RASGEF1C: variants seen among roughly 807,000 people sequenced by gnomAD.
The protein encoded by RASGEF1C is ras-GEF domain-containing family member 1C.
Under a neutral mutation model 58.1 loss-of-function variants are expected in RASGEF1C, and 27 were observed. That is an observed-to-expected ratio of 0.46 (90% confidence interval 0.34 to 0.64). The LOEUF is 0.64. RASGEF1C is among the 30% of genes least tolerant of loss of function. The probability of loss-of-function intolerance (pLI) is 0.01; values close to 1 mark genes in which losing one functional copy is unlikely to be tolerated. For missense variants in RASGEF1C, 502 were observed against 605.1 expected, an observed-to-expected ratio of 0.83 and a Z score of 1.79; for synonymous variants, 243 against 246.3, an observed-to-expected ratio of 0.99 and a Z score of 0.13.
rs907286615 is a variant in RASGEF1C, at chr5:180,115,155, C to T, written c.1084-614G>A. ...TCAGCCTCCCGAGTAGCTGGGATTA[C>T]AGGCACCTGCTGCCACGCCCGGCTA... On this transcript the variant is annotated intron_variant, in intron 10 of 13. Coordinates refer to ENST00000361132, the MANE Select transcript of RASGEF1C (RefSeq NM_175062.4). The T allele has an allele frequency of 7.0e-4, 219 of 312,672 alleles. 2 individuals are homozygous for T. Among genetic ancestry groups the T allele is most frequent in the African/African-American group, 4.4e-3 (204 of 46,038 alleles). 19.4% of individuals were successfully genotyped at this position (312,672 alleles called of 1,614,324 possible). A position where few individuals can be genotyped will look rare whatever the true frequency, so the allele number is the denominator to read the frequency against.
intron 1 of RASGEF1C, among the ~76,000 whole-genome samples, chr5:180,193,502 A>C (rs1312770452): frequency 6.6e-6 from 1 of 152,158 alleles, no homozygotes; most frequent in African/African-American, 2.4e-5. Flanking sequence ...AGGGACATGC[A>C]AGGTGACACC....
At chr5:180,169,588 C>T (rs111716868) in intron 1 of RASGEF1C, among the ~76,000 whole-genome samples, 1 of 58,092 alleles carries the variant, frequency 1.7e-5, no homozygotes, top group South Asian at 6.0e-4. Context: ...GGCTGGGGGA[C>T]GTGAGCAGTG....
Position 180,119,454 on chromosome 5 carries a change from G to A in RASGEF1C, c.805-6C>T, listed in dbSNP as rs368635665. ...CTCTGCTTCTTCTTGGCTGGCTGGG[G>A]ACAGGGCAGCAGAGCCTCAGTGGTG... On this transcript the variant is annotated splice_region_variant and splice_polypyrimidine_tract_variant and intron_variant, in intron 7 of 13. Transcript: ENST00000361132. The A allele has an allele frequency of 6.2e-6, 10 of 1,612,596 alleles. No homozygotes were observed. The highest frequency in any genetic ancestry group is 8.5e-6 in the Non-Finnish European group (10 of 1,178,718).
chr5:180,193,185 A>T (rs1756199276), intron 1 of RASGEF1C, among the ~76,000 whole-genome samples: 1 of 131,176 alleles, frequency 7.6e-6, no homozygotes, highest in Non-Finnish European at 1.7e-5. Flanking sequence ...CCTCCCGAGT[A>T]GCTGGGACTA....
At chr5:180,154,835 C>A (rs1766827006) in intron 1 of RASGEF1C, among the ~76,000 whole-genome samples, 2 of 152,194 alleles carry the variant, frequency 1.3e-5, no homozygotes, top group South Asian at 4.1e-4. Context: ...CCCGCCTCAG[C>A]CTCCCAAAGG....
At chr5:180,120,920 G>A (rs989128376) in intron 7 of RASGEF1C, 140 bp downstream of exon 7, 6 of 631,024 alleles carry the variant, frequency 9.5e-6, no homozygotes, top group Admixed American at 7.3e-5. Flanking sequence ...CTGGAGTCCT[G>A]GAGGGGTGCC....
chr5:180,171,129 G>A (rs984122610), intron 1 of RASGEF1C, among the ~76,000 whole-genome samples: 2 of 152,166 alleles, frequency 1.3e-5, no homozygotes, highest in African/African-American at 2.4e-5. Context: ...CCCAGCCCAG[G>A]AGTGGGACCC....
At chr5:180,176,625 C>G (rs898221216) in intron 1 of RASGEF1C, among the ~76,000 whole-genome samples, 1 of 150,842 alleles carries the variant, frequency 6.6e-6, no homozygotes, top group Non-Finnish European at 1.5e-5. Flanking sequence ...GGCGCAATCT[C>G]GGCTCACTGC....
At chr5:180,121,253 A>G in intron 6 of RASGEF1C, 104 bp from the exon 7 acceptor site, 1 of 743,806 alleles carries the variant, frequency 1.3e-6, no homozygotes. Flanking sequence ...GAAATGTTAA[A>G]ACCCCCAAAC....
At chr5:180,181,771 A>G (rs1341036667) in intron 1 of RASGEF1C, among the ~76,000 whole-genome samples, 1 of 152,226 alleles carries the variant, frequency 6.6e-6, no homozygotes, top group African/African-American at 2.4e-5. Context: ...TTGTTAAGGC[A>G]GCCCTAGGAA....
intron 1 of RASGEF1C, among the ~76,000 whole-genome samples, chr5:180,159,375 A>T (rs920317042): frequency 6.6e-6 from 1 of 152,160 alleles, no homozygotes; most frequent in African/African-American, 2.4e-5. Flanking sequence ...CCTGAGCTCA[A>T]GCAATCTACC....
chr5:180,151,318 T>C (rs1766742345), intron 1 of RASGEF1C, among the ~76,000 whole-genome samples: 1 of 152,112 alleles, frequency 6.6e-6, no homozygotes, highest in Non-Finnish European at 1.5e-5. Flanking sequence ...CTTCAAACTA[T>C]ACTACAAGGC....
chr5:180,173,411 G>T (rs533519647), intron 1 of RASGEF1C, among the ~76,000 whole-genome samples: 1 of 152,314 alleles, frequency 6.6e-6, no homozygotes, highest in East Asian at 1.9e-4. Flanking sequence ...CCATGAAGGG[G>T]ACCCTGAGGT....
intron 6 of RASGEF1C, among the ~76,000 whole-genome samples, chr5:180,126,703 C>T (rs1416659014): frequency 6.6e-6 from 1 of 152,206 alleles, no homozygotes; most frequent in Non-Finnish European, 1.5e-5. Context: ...GTAATCCAGT[C>T]CCCATGGGTG....
chr5:180,114,308 C>A lies in RASGEF1C; in HGVS notation c.1179+138G>T, dbSNP rs796372511. 5.3e-5 allele frequency: 37 copies of A among 703,600 alleles called. No homozygotes were observed. In the South Asian group the frequency reaches 6.0e-4, roughly 11 times the overall value. The allele number at this position is 703,600 out of a possible 1,614,324, so 43.6% of individuals were successfully genotyped here. ...TGTCAGGGTGGGAGGACCCTGATAA[C>A]CTTGCCAAGGTCGGCTGTGAACTGC... is the stretch of plus-strand genomic sequence containing the variant. On this transcript the variant is annotated intron_variant, in intron 11 of 13. Transcript: ENST00000361132.
intron 1 of RASGEF1C, 99 bp downstream of exon 1, chr5:180,208,929 C>G (rs1187108833): frequency 6.8e-6 from 1 of 147,846 alleles, no homozygotes; most frequent in Non-Finnish European, 1.5e-5. Flanking sequence ...CCTCCCGCCT[C>G]CCGCCGACCC....
intron 1 of RASGEF1C, among the ~76,000 whole-genome samples, chr5:180,204,991 T>A (rs1581134242): frequency 6.6e-6 from 1 of 152,010 alleles, no homozygotes; most frequent in East Asian, 1.9e-4. Context: ...GAGTTCGAGA[T>A]CAGCCTGGCC....
intron 1 of RASGEF1C, among the ~76,000 whole-genome samples, chr5:180,173,781 TGGG>T (rs1767159197): frequency 6.6e-6 from 1 of 151,916 alleles, no homozygotes; most frequent in Admixed American, 6.6e-5. Flanking sequence ...GGCGTGGTGG[TGGG>T]CGCCTGTAAT....
chr5:180,208,734 C>T (rs774748428), intron 1 of RASGEF1C, among the ~76,000 whole-genome samples: 20 of 152,122 alleles, frequency 1.3e-4, no homozygotes, highest in Non-Finnish European at 2.8e-4. Context: ...ACTCTAGCGG[C>T]TGAAAGAAGC....
Sources: gnomAD v4.1 joint callset for allele counts (sites outside exome capture counted in the v4.1 genomes callset) on GRCh38, gnomAD v4.1.1 for gene constraint, MANE v1.5 for transcripts, NCBI Gene and HGNC (gene_info 2026-07-23, HGNC 2026-07-21) for gene names.